Variants in OSBPL8 observed in about 807,000 individuals in gnomAD.
OSBPL8 encodes oxysterol binding protein like 8.
In OSBPL8, 59 loss-of-function variants were observed where a neutral mutation model predicts 125.5. The ratio of observed to expected loss-of-function variants is 0.47; its 90% CI spans 0.38 to 0.58. The LOEUF (loss-of-function observed/expected upper bound fraction) is 0.58. Ranked by LOEUF, OSBPL8 falls within the 20% of genes least tolerant of loss-of-function variation. OSBPL8 has a pLI of 0.00. For synonymous variants in OSBPL8, 330 were observed against 338.9 expected (o/e 0.97, Z 0.29); for missense variants, 758 against 1,047.8 (o/e 0.72, Z 3.82).
chr12:76,366,642 T>C lies in OSBPL8; in HGVS notation c.2328+2572A>G, dbSNP rs73383535. On this transcript the variant is annotated intron_variant, in intron 21 of 23. Transcript: ENST00000261183. ...CACGGAATGAAGTAAGGTTATTGAT[T>C]TGAGATCTCTCTTAATGTAGATGTT... The C allele has an allele frequency of 3.6e-3, 1,545 of 425,908 alleles. 18 individuals carry two copies. Among genetic ancestry groups the C allele is most frequent in the African/African-American group, 0.029 (1,410 of 47,972 alleles). 26.4% of individuals were successfully genotyped at this position (425,908 alleles called of 1,614,324 possible).
At chr12:76,362,463 C>T (rs1565824229) in intron 21 of OSBPL8, among the ~76,000 whole-genome samples, 1 of 152,086 alleles carries the variant, frequency 6.6e-6, no homozygotes, top group Non-Finnish European at 1.5e-5. Flanking sequence ...GCCGAAAAGG[C>T]CTTTAATAAA....
At chr12:76,496,467 T>A (rs1879284694) in intron 1 of OSBPL8, among the ~76,000 whole-genome samples, 1 of 151,480 alleles carries the variant, frequency 6.6e-6, no homozygotes, top group Non-Finnish European at 1.5e-5. Flanking sequence ...ACCACCTGGG[T>A]GCAAGCAATC....
At chr12:76,551,067 A>G (rs4334064) in intron 1 of OSBPL8, among the ~76,000 whole-genome samples, 87,029 of 151,686 alleles carry the variant, frequency 0.57, 25,465 homozygotes, top group East Asian at 0.9. Flanking sequence ...AAATAATACA[A>G]ACATATATAT....
chr12:76,472,663 GCAGAGAGAGA>G, intron 2 of OSBPL8, among the ~76,000 whole-genome samples: 1 of 152,198 alleles, frequency 6.6e-6, no homozygotes, highest in Non-Finnish European at 1.5e-5. Flanking sequence ...GGCAGCTGAG[GCAGAGAGAGA>G]CAGGGAGAGA....
chr12:76,472,880 T>C (rs1021942255), intron 2 of OSBPL8, among the ~76,000 whole-genome samples: 23 of 152,108 alleles, frequency 1.5e-4, no homozygotes, highest in Non-Finnish European at 3.1e-4. Flanking sequence ...CTGACTGATG[T>C]CAGGCCCTCC....
At chr12:76,402,244 C>G (rs1954079220) in intron 6 of OSBPL8, among the ~76,000 whole-genome samples, 1 of 152,160 alleles carries the variant, frequency 6.6e-6, no homozygotes, top group Admixed American at 6.5e-5. Flanking sequence ...CTACATATTT[C>G]TCAGAGAAAT....
intron 4 of OSBPL8, among the ~76,000 whole-genome samples, chr12:76,420,276 A>T (rs1024800404): frequency 5.9e-5 from 9 of 152,154 alleles, no homozygotes; most frequent in African/African-American, 2.2e-4. Context: ...TATACAAAAC[A>T]ACTATGTACT....
At chr12:76,402,587 T>G in intron 6 of OSBPL8, 102 bp downstream of exon 6, 1 of 845,546 alleles carries the variant, frequency 1.2e-6, no homozygotes, top group Non-Finnish European at 1.9e-6. Flanking sequence ...ATGTTTTTTC[T>G]TTCTTTAGGA....
intron 1 of OSBPL8, among the ~76,000 whole-genome samples, chr12:76,499,813 A>T (rs74342306): frequency 0.019 from 2,850 of 151,814 alleles, 70 homozygotes; most frequent in African/African-American, 0.061. Flanking sequence ...AAATCACACC[A>T]CTGCACTCCA....
intron 4 of OSBPL8, among the ~76,000 whole-genome samples, chr12:76,446,422 A>G (rs2136695055): frequency 6.6e-6 from 1 of 152,346 alleles, no homozygotes; most frequent in African/African-American, 2.4e-5. Flanking sequence ...CAAAAAGCCA[A>G]TGACTTTTAA....
chr12:76,536,714 G>T (rs370989632), intron 1 of OSBPL8, among the ~76,000 whole-genome samples: 2 of 151,302 alleles, frequency 1.3e-5, no homozygotes, highest in East Asian at 3.9e-4. Context: ...CAGGTGGAGG[G>T]AATGGTAATG....
intron 4 of OSBPL8, among the ~76,000 whole-genome samples, chr12:76,418,688 C>T (rs533474188): frequency 1.6e-4 from 24 of 151,740 alleles, no homozygotes; most frequent in African/African-American, 5.3e-4. Context: ...AAAAATTAGC[C>T]GGGTGTGGTA....
At chr12:76,435,621 C>T (rs1382244794) in intron 4 of OSBPL8, among the ~76,000 whole-genome samples, 2 of 151,992 alleles carry the variant, frequency 1.3e-5, no homozygotes, top group African/African-American at 4.8e-5. Context: ...TTTCACAAAA[C>T]ACCAAGTTGT....
chr12:76,377,147 T>G (rs1952851904), intron 16 of OSBPL8, among the ~76,000 whole-genome samples: 1 of 152,248 alleles, frequency 6.6e-6, no homozygotes, highest in Non-Finnish European at 1.5e-5. Context: ...GGTGTGTATG[T>G]GCCACATTTT....
chr12:76,490,283 C>T (rs1460476804), intron 1 of OSBPL8, among the ~76,000 whole-genome samples: 1 of 152,214 alleles, frequency 6.6e-6, no homozygotes, highest in Non-Finnish European at 1.5e-5. Flanking sequence ...AGTCGAAAAG[C>T]GTGAAACGGC....
chr12:76,511,641 T>C (rs902135209), intron 1 of OSBPL8, among the ~76,000 whole-genome samples: 4 of 152,208 alleles, frequency 2.6e-5, no homozygotes, highest in African/African-American at 4.8e-5. Context: ...GTGAGGTACA[T>C]AGTTAGCAAA....
chr12:76,541,049 C>T (rs1379337269), intron 1 of OSBPL8, among the ~76,000 whole-genome samples: 5 of 152,186 alleles, frequency 3.3e-5, no homozygotes, highest in Non-Finnish European at 7.3e-5. Context: ...TTCATACCAA[C>T]GGCTACTATC....
At chr12:76,486,953 A>G (rs888329051) in intron 2 of OSBPL8, among the ~76,000 whole-genome samples, 2 of 150,920 alleles carry the variant, frequency 1.3e-5, no homozygotes, top group African/African-American at 4.9e-5. Context: ...AAATAAGAGG[A>G]GGAGGATGGA....
At position 76,356,661 on chromosome 12, in the gene OSBPL8, G is replaced by A. The variant is rs760037563; in HGVS notation, c.2502C>T (p.Ile834=). Residue 834 remains isoleucine, a synonymous_variant, in exon 23 of 24, where the codon ATC becomes ATT. Transcript: ENST00000261183. ...GIELGDIQSS[I]ESIKQTQEEI... is the part of the protein sequence containing the mutation. ...CTTCCTGTGTTTGTTTTATAGATTCGATGGAACTCTGAATGTCTCCCAGTT... is the reference window on the plus strand; with the variant it reads ...CTTCCTGTGTTTGTTTTATAGATTCAATGGAACTCTGAATGTCTCCCAGTT... 2 of 1,609,126 alleles carry A rather than the reference G, an allele frequency of 1.2e-6. No homozygotes were observed. Among genetic ancestry groups the A allele is most frequent in the Admixed American group, 1.7e-5 (1 of 59,716 alleles).
Sources: allele counts gnomAD v4.1 joint callset (sites outside exome capture counted in the v4.1 genomes callset), GRCh38; gene constraint gnomAD v4.1.1; transcripts MANE v1.5; gene names NCBI Gene and HGNC (gene_info 2026-07-23, HGNC 2026-07-21).